The following NEO1 variants were observed in gnomAD, a reference collection of about 807,000 sequenced individuals.
NEO1 encodes the protein neogenin 1.
In NEO1, 63 loss-of-function variants were observed where a neutral mutation model predicts 159.7. That is an observed-to-expected ratio of 0.39 (90% CI 0.32 to 0.49). The LOEUF (loss-of-function observed/expected upper bound fraction) is 0.49, where lower values mean the gene tolerates loss of function less well. NEO1 is among the 20% of genes least tolerant of loss of function. The pLI is 0.85. For missense variants in NEO1, 1,615 were observed against 1,831.0 expected (o/e 0.88, Z 2.15); for synonymous variants, 633 against 662.0 (o/e 0.96, Z 0.67).
At chr15:73,144,748 A>G (rs1469934800) in intron 5 of NEO1, among the ~76,000 whole-genome samples, 4 of 152,226 alleles carry the variant, frequency 2.6e-5, no homozygotes, top group East Asian at 3.8e-4. Flanking sequence ...TCGCATGTCC[A>G]AAATTGAACT....
At chr15:73,217,707 T>A (rs1255897711) in intron 7 of NEO1, among the ~76,000 whole-genome samples, 1 of 152,154 alleles carries the variant, frequency 6.6e-6, no homozygotes, top group Non-Finnish European at 1.5e-5. Context: ...GAATGGGAGT[T>A]CACTCATGAT....
intron 14 of NEO1, 30 bp from the exon 15 acceptor site, chr15:73,260,241 T>C (rs370098916): frequency 1.3e-6 from 2 of 1,593,824 alleles, no homozygotes; most frequent in Non-Finnish European, 1.7e-6. Context: ...ACAGTATATC[T>C]CATCTTGCTT....
At chr15:73,285,470 T>C (rs1395326444) in intron 23 of NEO1, among the ~76,000 whole-genome samples, 1 of 152,204 alleles carries the variant, frequency 6.6e-6, no homozygotes, top group Non-Finnish European at 1.5e-5. Flanking sequence ...CAGATTTGGG[T>C]CCCTTTGTTG....
chr15:73,130,480 A>C (rs2030967684), intron 4 of NEO1, among the ~76,000 whole-genome samples: 2 of 152,178 alleles, frequency 1.3e-5, no homozygotes, highest in African/African-American at 2.4e-5. Context: ...GCATCTCAGC[A>C]AGACAAAAGC....
intron 1 of NEO1, among the ~76,000 whole-genome samples, chr15:73,092,002 G>A (rs1045841202): frequency 4.9e-4 from 74 of 152,138 alleles, no homozygotes; most frequent in African/African-American, 1.7e-3. Context: ...TGTGATTACC[G>A]AATAAAAGTA....
intron 7 of NEO1, among the ~76,000 whole-genome samples, chr15:73,199,368 A>G (rs919467695): frequency 6.6e-5 from 10 of 151,834 alleles, no homozygotes; most frequent in Admixed American, 1.3e-4. Flanking sequence ...CCATAAAGTT[A>G]CTTTTTTTTA....
At chr15:73,260,578 C>T (rs1385088225) in intron 15 of NEO1, 113 bp downstream of exon 15, 1 of 968,220 alleles carries the variant, frequency 1.0e-6, no homozygotes, top group East Asian at 2.7e-5. Context: ...CAAGTAATTT[C>T]TGCATGTTAT....
chr15:73,166,414 A>AT (rs2034573316), intron 5 of NEO1, among the ~76,000 whole-genome samples: 1 of 152,172 alleles, frequency 6.6e-6, no homozygotes, highest in South Asian at 2.1e-4. Context: ...TGACATTTGG[A>AT]TTGCTGCAAA....
chr15:73,278,285 G>A, intron 22 of NEO1, 86 bp downstream of exon 22: 1 of 1,193,974 alleles, frequency 8.4e-7, no homozygotes, highest in East Asian at 2.4e-5. Flanking sequence ...TATAGCTTGT[G>A]TGTGGTGGGT....
intron 13 of NEO1, chr15:73,255,513 A>T (rs2150964687): frequency 6.6e-6 from 1 of 152,302 alleles, no homozygotes; most frequent in Middle Eastern, 3.4e-3. Flanking sequence ...GAAACATGGG[A>T]ACCAGATTGA....
intron 7 of NEO1, among the ~76,000 whole-genome samples, chr15:73,187,338 C>T (rs2035988678): frequency 6.6e-6 from 1 of 152,102 alleles, no homozygotes; most frequent in Non-Finnish European, 1.5e-5. Flanking sequence ...TACACCAAGT[C>T]TGACTTTCTT....
chr15:73,248,999 A>G (rs939758117), intron 9 of NEO1, 61 bp from the exon 10 acceptor site: 25 of 1,539,006 alleles, frequency 1.6e-5, no homozygotes, highest in Non-Finnish European at 2.1e-5. Flanking sequence ...ATTGCCAAGA[A>G]TGGTTATTGA....
chr15:73,244,954 C>CAAAAAAAAAAAAAAAAAAAAAAAA (rs57566986), intron 9 of NEO1, among the ~76,000 whole-genome samples: 8 of 16,520 alleles, frequency 4.8e-4, no homozygotes, highest in African/African-American at 1.0e-3. Context: ...GACTCTGTCT[C>CAAAAAAAAAAAAAAAAAAAAAAAA]AAAAAAAAAA....
chr15:73,232,292 A>G (rs1209902326), intron 7 of NEO1, among the ~76,000 whole-genome samples: 2 of 152,058 alleles, frequency 1.3e-5, no homozygotes, highest in African/African-American at 4.8e-5. Context: ...TTTGTTGAGT[A>G]TTTAGTTTTG....
intron 1 of NEO1, among the ~76,000 whole-genome samples, chr15:73,057,574 A>T (rs1469158119): frequency 6.6e-6 from 1 of 152,192 alleles, no homozygotes; most frequent in Non-Finnish European, 1.5e-5. Context: ...TGAAAAATTA[A>T]CTTTGTCATG....
At chr15:73,195,505 A>G (rs1164080068) in intron 7 of NEO1, among the ~76,000 whole-genome samples, 3 of 152,212 alleles carry the variant, frequency 2.0e-5, no homozygotes, top group Non-Finnish European at 1.5e-5. Flanking sequence ...TAAAAAGTAT[A>G]ATATAATTTG....
At chr15:73,090,444 A>C (rs896485801) in intron 1 of NEO1, among the ~76,000 whole-genome samples, 1 of 152,178 alleles carries the variant, frequency 6.6e-6, no homozygotes, top group Admixed American at 6.5e-5. Flanking sequence ...AAATGTCTGG[A>C]AGGATTCATA....
chr15:73,275,948 G>GTCAGAACTTGAGGTATCAAGTT lies in NEO1; in HGVS notation c.3193+1226_3193+1247dup, dbSNP rs1454459318. 2.6e-5 allele frequency among the ~76,000 whole-genome samples: 4 copies of GTCAGAACTTGAGGTATCAAGTT among 152,328 alleles called. No individual in the cohort carries two copies. The East Asian group carries it at 7.7e-4, about 29-fold the overall frequency. On this transcript the variant is annotated intron_variant, in intron 21 of 28. Coordinates refer to ENST00000261908, the MANE Select transcript of NEO1 (RefSeq NM_002499.4). Reference sequence around the variant, plus strand: ...GGATCTTGGCTAATGGCAAGGAAGAGTCAGAACTTGAGGTATCAAGTTTTC... The same window carrying GTCAGAACTTGAGGTATCAAGTT: ...GGATCTTGGCTAATGGCAAGGAAGAGTCAGAACTTGAGGTATCAAGTTTCAGAACTTGAGGTATCAAGTTTTC...
At chr15:73,217,493 G>A (rs1390299279) in intron 7 of NEO1, among the ~76,000 whole-genome samples, 1 of 151,980 alleles carries the variant, frequency 6.6e-6, no homozygotes, top group Non-Finnish European at 1.5e-5. Context: ...TGATGGGGAT[G>A]GCATTGAATC....
Sources: allele counts gnomAD v4.1 joint callset (sites outside exome capture counted in the v4.1 genomes callset), GRCh38; gene constraint gnomAD v4.1.1; transcripts MANE v1.5; gene names NCBI Gene and HGNC (gene_info 2026-07-23, HGNC 2026-07-21).